Variants in SERINC5 observed in about 807,000 individuals in gnomAD.
SERINC5 encodes the protein chromosome 5 open reading frame 12.
A neutral mutation model predicts 63.1 loss-of-function variants in SERINC5; 41 were observed. That is an observed-to-expected ratio of 0.65 (90% CI 0.51 to 0.84). The LOEUF is 0.84. SERINC5 is among the 40% of genes least tolerant of loss of function. SERINC5 has a pLI of 0.00. For missense variants in SERINC5, 523 were observed against 573.0 expected (o/e 0.91, Z 0.89); for synonymous variants, 222 against 215.2 (o/e 1.03, Z -0.28).
chr5:80,148,773 G>T (rs1019168398), intron 9 of SERINC5, among the ~76,000 whole-genome samples: 3 of 152,202 alleles, frequency 2.0e-5, no homozygotes, highest in Non-Finnish European at 2.9e-5. Context: ...CTTTGTGGCT[G>T]AAGATATTTC....
intron 1 of SERINC5, among the ~76,000 whole-genome samples, chr5:80,205,767 C>T (rs751333203): frequency 6.6e-6 from 1 of 151,886 alleles, no homozygotes; most frequent in African/African-American, 2.4e-5. Flanking sequence ...GTTATTTATC[C>T]TTTAAAAACT....
At chr5:80,233,025 G>GTCA (rs1751522824) in intron 1 of SERINC5, among the ~76,000 whole-genome samples, 2 of 152,192 alleles carry the variant, frequency 1.3e-5, no homozygotes, top group Non-Finnish European at 2.9e-5. Context: ...AAACTAAGTT[G>GTCA]TCATGATGGT....
intron 1 of SERINC5, among the ~76,000 whole-genome samples, chr5:80,218,154 G>A (rs1750749740): frequency 6.6e-6 from 1 of 152,222 alleles, no homozygotes; most frequent in Non-Finnish European, 1.5e-5. Flanking sequence ...AGTTTCAAGT[G>A]TCTCAGAGTC....
At position 80,140,305 on chromosome 5, in the gene SERINC5, CAAAAAAAAAAAA is replaced by C. The variant is rs55718546; in HGVS notation, c.*3346_*3357del. 179 of 478,150 alleles carry C rather than the reference CAAAAAAAAAAAA, an allele frequency of 3.7e-4. No individual in the cohort carries two copies. Among genetic ancestry groups the C allele is most frequent in the African/African-American group, 3.6e-3 (75 of 21,116 alleles). The allele number at this position is 478,150 out of a possible 1,614,324, so 29.6% of individuals were successfully genotyped here. A position where few individuals can be genotyped will look rare whatever the true frequency, so the allele number is the denominator to read the frequency against. On this transcript the variant is annotated 3_prime_UTR_variant, in exon 12 of 12. Transcript: ENST00000507668. ...GTGGCTGACAGAGTGAGCCCGTCTC[CAAAAAAAAAAAA>C]AAAAAAAAAAAAAAAGGCTTAGGGT...
intron 2 of SERINC5, among the ~76,000 whole-genome samples, chr5:80,201,086 A>T (rs1749809694): frequency 6.6e-6 from 1 of 152,106 alleles, no homozygotes; most frequent in Admixed American, 6.6e-5. Context: ...GCAACAGAGC[A>T]AGACTCCATC....
At position 80,150,102 on chromosome 5, in the gene SERINC5, C is replaced by T. The variant is rs1299807166; in HGVS notation, c.1053+780G>A. On this transcript the variant is annotated intron_variant, in intron 9 of 11. Coordinates refer to ENST00000507668, the MANE Select transcript of SERINC5 (RefSeq NM_001174072.3). Reference sequence around the variant, plus strand: ...GAGTTAATGTATCTACAACGTTCAACAGCGTCAGGCAGAGCAGATATGGTT... The same window carrying T: ...GAGTTAATGTATCTACAACGTTCAATAGCGTCAGGCAGAGCAGATATGGTT... Among the ~76,000 whole-genome samples the T allele has an allele frequency of 5.3e-5, 8 of 152,358 alleles. No homozygotes were observed. The East Asian group carries it at 1.5e-3, about 29-fold the overall frequency.
intron 1 of SERINC5, among the ~76,000 whole-genome samples, chr5:80,231,347 T>C (rs1482964130): frequency 1.3e-5 from 2 of 152,232 alleles, no homozygotes; most frequent in East Asian, 1.9e-4. Context: ...AACTGTGATA[T>C]ATGGATGGCT....
chr5:80,195,921 C>A (rs1749469689), intron 2 of SERINC5, among the ~76,000 whole-genome samples: 1 of 152,158 alleles, frequency 6.6e-6, no homozygotes, highest in African/African-American at 2.4e-5. Context: ...TTCAGCTCAG[C>A]CTAACTAACG....
intron 11 of SERINC5, chr5:80,128,276 A>C (rs1744819451): frequency 6.6e-6 from 1 of 152,164 alleles, no homozygotes; most frequent in African/African-American, 2.4e-5. Flanking sequence ...TTCTCCAGGG[A>C]GCCCAGTGCC....
At chr5:80,192,425 C>A (rs146092055) in intron 2 of SERINC5, among the ~76,000 whole-genome samples, 2 of 145,090 alleles carry the variant, frequency 1.4e-5, no homozygotes, top group African/African-American at 5.0e-5. Context: ...CTGTGTATCT[C>A]CCATATGTCA....
At chr5:80,178,232 AAT>A (rs919709193) in intron 2 of SERINC5, among the ~76,000 whole-genome samples, 168 bp from the exon 3 acceptor site, 18 of 152,302 alleles carry the variant, frequency 1.2e-4, no homozygotes, top group African/African-American at 3.4e-4. Context: ...ATTTTCTCTG[AAT>A]CTTTTTTAAA....
At chr5:80,181,416 T>TGTGTGTGTGTGTGTGTGTGTGTG (rs1580124918) in intron 2 of SERINC5, among the ~76,000 whole-genome samples, 6,093 of 145,316 alleles carry the variant, frequency 0.042, 257 homozygotes, top group Middle Eastern at 0.1. Context: ...TCAGCTAATT[T>TGTGTGTGTGTGTGTGTGTGTGTG]TGTGTGTGTG....
chr5:80,238,800 A>C (rs970725238), intron 1 of SERINC5, among the ~76,000 whole-genome samples: 2 of 151,978 alleles, frequency 1.3e-5, no homozygotes, highest in Admixed American at 6.6e-5. Flanking sequence ...AAAAAAAAAA[A>C]AAAAAAAACC....
intron 5 of SERINC5, 49 bp from the exon 6 acceptor site, chr5:80,169,595 A>G: frequency 3.4e-6 from 5 of 1,464,340 alleles, no homozygotes; most frequent in Non-Finnish European, 4.7e-6. Context: ...AGACAAGTCA[A>G]CGAAGCCCAC....
chr5:80,150,733 G>C, intron 9 of SERINC5, 149 bp downstream of exon 9: 3 of 654,794 alleles, frequency 4.6e-6, no homozygotes, highest in Non-Finnish European at 8.2e-6. Flanking sequence ...ACCACACCCG[G>C]CCAGCATTTA....
chr5:80,126,770 T>C (rs749553395), intron 11 of SERINC5, among the ~76,000 whole-genome samples: 2 of 152,164 alleles, frequency 1.3e-5, no homozygotes, highest in Non-Finnish European at 2.9e-5. Flanking sequence ...TTTGTTTATA[T>C]AAAAATGGAG....
chr5:80,132,275 A>C (rs1041534819), intron 11 of SERINC5, among the ~76,000 whole-genome samples: 6 of 152,346 alleles, frequency 3.9e-5, no homozygotes, highest in Admixed American at 1.3e-4. Flanking sequence ...ACGAGACCCC[A>C]CAGTTACTTT....
chr5:80,195,303 T>A (rs1749430590), intron 2 of SERINC5, among the ~76,000 whole-genome samples: 1 of 147,314 alleles, frequency 6.8e-6, no homozygotes, highest in African/African-American at 2.6e-5. Flanking sequence ...AAAAAAAAAA[T>A]TCTAACAATG....
At chr5:80,181,470 C>G (rs181578228) in intron 2 of SERINC5, among the ~76,000 whole-genome samples, 53 of 134,238 alleles carry the variant, frequency 3.9e-4, no homozygotes, top group African/African-American at 1.3e-3. Flanking sequence ...ACCATGTTGA[C>G]CAAACTGGTC....
Sources: allele counts gnomAD v4.1 joint callset (sites outside exome capture counted in the v4.1 genomes callset), GRCh38; gene constraint gnomAD v4.1.1; transcripts MANE v1.5; gene names NCBI Gene and HGNC (gene_info 2026-07-23, HGNC 2026-07-21).